FASN: variants seen among roughly 807,000 people sequenced by gnomAD.
FASN encodes fatty acid synthase.
FASN carries 50 observed loss-of-function variants against 250.0 expected under a neutral mutation model. The observed-to-expected ratio is 0.20, with a 90% CI of 0.16 to 0.25. FASN has a LOEUF of 0.25. FASN is among the 10% of genes least tolerant of loss of function. FASN has a pLI of 1.00. For synonymous variants in FASN, 1,909 were observed against 1,584.0 expected, an observed-to-expected ratio of 1.21 and a Z score of -4.87; for missense variants, 3,031 against 3,498.5, an observed-to-expected ratio of 0.87 and a Z score of 3.37.
rs1294023345 is a variant in FASN, at chr17:82,084,587, G to A, written c.4694C>T (p.Thr1565Met). 9.3e-6 allele frequency: 15 copies of A among 1,610,642 alleles called. No individual in the cohort carries two copies. Among genetic ancestry groups the A allele is most frequent in the East Asian group, 2.2e-5 (1 of 44,844 alleles). The change falls in exon 27 of 43, where the codon ACG (threonine) becomes ATG (methionine). Residue 1565 changes from threonine to methionine, a missense_variant. Thr to Met is a moderately conservative substitution (Grantham distance 81). Coordinates refer to ENST00000306749, the MANE Select transcript of FASN (RefSeq NM_004104.5). ...GAAGTTGAGGGAGGCGTAGTAGACC[G>A]TGCAGAGCTGGGCGCCAGGGCAGGT... ...QPTCPGAQLC[T>M]VYYASLNFRD...
At chr17:82,093,823 G>GCCCGCC in intron 3 of FASN, 52 bp from the exon 4 acceptor site, 1 of 1,549,752 alleles carries the variant, frequency 6.5e-7, no homozygotes, top group South Asian at 1.2e-5. Context: ...AGCGCAGCCA[G>GCCCGCC]CCCACCCACC....
chr17:82,096,623 G>A (rs1484412929), intron 1 of FASN, among the ~76,000 whole-genome samples, 171 bp from the exon 2 acceptor site: 3 of 152,216 alleles, frequency 2.0e-5, no homozygotes, highest in Non-Finnish European at 2.9e-5. Flanking sequence ...CCTGGGCCCT[G>A]ACCCCGCTCT....
intron 19 of FASN, 29 bp downstream of exon 19, chr17:82,087,656 G>T: frequency 1.9e-6 from 3 of 1,608,826 alleles, no homozygotes; most frequent in Non-Finnish European, 2.5e-6. Context: ...CTCCCCGGTG[G>T]CTTGGGCAGC....
intron 2 of FASN, 56 bp downstream of exon 2, chr17:82,096,263 C>T: frequency 6.2e-7 from 1 of 1,605,514 alleles, no homozygotes; most frequent in Non-Finnish European, 8.5e-7. Flanking sequence ...GCTGTGAGGA[C>T]AAAGGTGGAG....
chr17:82,085,273 C>G lies in FASN; in HGVS notation c.4252G>C (p.Asp1418His), dbSNP rs2144789760. 1 of 1,611,718 alleles carries G rather than the reference C, an allele frequency of 6.2e-7. No homozygotes were observed. Among genetic ancestry groups the G allele is most frequent in the Non-Finnish European group, 8.5e-7 (1 of 1,179,524 alleles). The change falls in exon 24 of 43, where the codon GAC (aspartate) becomes CAC (histidine). Residue 1418 changes from aspartate (D) to histidine (H), a missense_variant. By Grantham distance (81) the Asp-to-His change is moderately conservative. Coordinates refer to ENST00000306749, the MANE Select transcript of FASN (RefSeq NM_004104.5). Reference protein sequence around the residue: ...PQDSPIFLPVDDTSFRWVESL... With the variant: ...PQDSPIFLPVHDTSFRWVESL... The stretch of plus-strand genomic sequence containing the variant: ...TCCACCCAGCGGAAGCTGGTATCGT[C>G]CACCGGCAGGAAGATGGGGCTGTCC...
Position 82,085,752 on chromosome 17 carries a change from C to T in FASN, c.3852G>A (p.Gln1284=). Residue 1284 remains glutamine (Q), a synonymous_variant, in exon 23 of 43, where the codon CAG becomes CAA. Coordinates refer to ENST00000306749, the MANE Select transcript of FASN (RefSeq NM_004104.5). ...CAACGTCGTGCTGCTGCAGCTCGGC[C>T]TGGGCAGCCTCCAGGGCCTGGGGGT... ...DRHPQALEAA[Q]AELQQHDVAQ... The T allele has an allele frequency of 6.4e-7, 1 of 1,564,980 alleles. No individual in the cohort carries two copies. The highest frequency in any genetic ancestry group is 8.7e-7 in the Non-Finnish European group (1 of 1,155,412).
chr17:82,089,620 C>T lies in FASN; in HGVS notation c.1965+12G>A, dbSNP rs367574087. On this transcript the variant is annotated intron_variant, in intron 12 of 42. Transcript: ENST00000306749. ...AGGGGACAGAGGAGCCCGCCCAGGC[C>T]GCAGCACCCACCTGAGGTCCCGAGA... 4.4e-6 allele frequency: 7 copies of T among 1,588,646 alleles called. No individual in the cohort carries two copies. Among genetic ancestry groups the T allele is most frequent in the Non-Finnish European group, 6.0e-6 (7 of 1,168,232 alleles).
Position 82,088,470 on chromosome 17 carries a change from T to C in FASN, c.2513A>G (p.His838Arg). The C allele has an allele frequency of 6.2e-7, 1 of 1,611,320 alleles. No homozygotes were observed. The highest frequency in any genetic ancestry group is 1.7e-5 in the Admixed American group (1 of 59,976). ...GGCCGGCACGTCCCAGGCCAGGCTG[T>C]GGTCCCACTTGATGAGTGGGGAGAT... ...PLISPLIKWD[H>R]SLAWDVPAAE... Residue 838 changes from histidine to arginine, a missense_variant, in exon 16 of 43, where the codon CAC becomes CGC. Coordinates refer to ENST00000306749, the MANE Select transcript of FASN (RefSeq NM_004104.5).
In FASN at chr17:82,089,241, T is replaced by G. The variant is rs201914351; in HGVS notation, c.2100+9A>C. Reference sequence around the variant, plus strand: ...CCCGCCCCGCACCCCCCAGGCCGTATTAGTCCACCTTCTTGAGCTCCTGCA... The same window carrying G: ...CCCGCCCCGCACCCCCCAGGCCGTAGTAGTCCACCTTCTTGAGCTCCTGCA... On this transcript the variant is annotated intron_variant, in intron 13 of 42. Transcript: ENST00000306749. 6.2e-7 allele frequency: 1 copy of G among 1,612,306 alleles called. No individual in the cohort carries two copies. Among genetic ancestry groups the G allele is most frequent in the Admixed American group, 1.7e-5 (1 of 59,986 alleles).
In FASN at chr17:82,093,243, T is replaced by C. The variant is rs778702416; in HGVS notation, c.631A>G (p.Thr211Ala). 2 of 1,588,254 alleles carry C rather than the reference T, an allele frequency of 1.3e-6. No individual in the cohort carries two copies. Among genetic ancestry groups the C allele is most frequent in the South Asian group, 2.3e-5 (2 of 87,454 alleles). The change falls in exon 5 of 43, where the codon ACC (threonine) becomes GCC (alanine). Residue 211 changes from threonine (T) to alanine (A), a missense_variant. By Grantham distance (58) the Thr-to-Ala change is moderately conservative. Transcript: ENST00000306749. ...LRLGMLSPEG[T>A]CKAFDTAGNG... Reference sequence around the variant, plus strand: ...CCCGCTGTGTCGAAGGCCTTGCAGGTGCCCTCGGGGCTGAGCATCCCCAGC... The same window carrying C: ...CCCGCTGTGTCGAAGGCCTTGCAGGCGCCCTCGGGGCTGAGCATCCCCAGC...
At chr17:82,087,554 C>A (rs1333427575) in intron 19 of FASN, 50 bp from the exon 20 acceptor site, 2 of 1,606,946 alleles carry the variant, frequency 1.2e-6, no homozygotes, top group Admixed American at 3.3e-5. Context: ...TCCCTGGGGC[C>A]ACCTCCCAGA....
chr17:82,093,811 A>G, intron 3 of FASN, 40 bp from the exon 4 acceptor site: 1 of 1,603,376 alleles, frequency 6.2e-7, no homozygotes, highest in Non-Finnish European at 8.5e-7. Context: ...GCCGGGCCCC[A>G]CAGCGCAGCC....
rs141294544 is a variant in FASN, at chr17:82,082,022, G to C, written c.6150C>G (p.His2050Gln). ...AMERICEKRRHEGLPGLAVQW... is the reference protein window; with the variant it reads ...AMERICEKRRQEGLPGLAVQW... ...GGTGGGGCCCACCTGGGAGGCCTTCGTGCCGGCGTTTCTCACAGATACGCT... is the reference window on the plus strand; with the variant it reads ...GGTGGGGCCCACCTGGGAGGCCTTCCTGCCGGCGTTTCTCACAGATACGCT... Residue 2050 changes from histidine to glutamine, a missense_variant, in exon 36 of 43, where the codon CAC (histidine) becomes CAG (glutamine). Transcript: ENST00000306749. The C allele has an allele frequency of 1.2e-6, 2 of 1,608,902 alleles. No homozygotes were observed. The highest frequency in any genetic ancestry group is 1.7e-6 in the Non-Finnish European group (2 of 1,179,938).
chr17:82,091,403 C>A lies in FASN; in HGVS notation c.1311G>T (p.Leu437=). Residue 437 remains leucine (L), a synonymous_variant, in exon 9 of 43, where the codon CTG becomes CTT. Transcript: ENST00000306749. ...SGRTPEAVQK[L]LEQGLRHSQD... is the part of the protein sequence containing the mutation. ...GGCTGTGCCGGAGGCCCTGCTCCAG[C>A]AGCTTCTGCACGGCCTCAGGGGTGC... 1 of 1,610,468 alleles carries A rather than the reference C, an allele frequency of 6.2e-7. No individual in the cohort carries two copies. The highest frequency in any genetic ancestry group is 8.5e-7 in the Non-Finnish European group (1 of 1,179,084).
rs1323615053 is a variant in FASN at position 82,083,021 on chromosome 17, T to C, written c.5660A>G (p.Tyr1887Cys). The change falls in exon 33 of 43, where the codon TAC becomes TGC. Residue 1887 changes from tyrosine (Y) to cysteine (C), a missense_variant. Transcript: ENST00000306749. ...GCCACCCAGACCACCAGCGATGATGTAGCTCTTGTGGGCCGGGCAGAAGGT... is the reference window on the plus strand; with the variant it reads ...GCCACCCAGACCACCAGCGATGATGCAGCTCTTGTGGGCCGGGCAGAAGGT... ...SKTFCPAHKS[Y>C]IIAGGLGGFG... 3 of 1,612,912 alleles carry C rather than the reference T, an allele frequency of 1.9e-6. No individual in the cohort carries two copies. The highest frequency in any genetic ancestry group is 2.5e-6 in the Non-Finnish European group (3 of 1,179,982).
At chr17:82,081,066 C>T (rs555317198) in intron 38 of FASN, 98 bp downstream of exon 38, 75 of 1,460,972 alleles carry the variant, frequency 5.1e-5, no homozygotes, top group Middle Eastern at 4.6e-4. Flanking sequence ...GCACCCGTGA[C>T]GAAGGGCGGT....
intron 34 of FASN, 48 bp from the exon 35 acceptor site, chr17:82,082,462 G>C (rs567072354): frequency 6.2e-7 from 1 of 1,611,008 alleles, no homozygotes; most frequent in Non-Finnish European, 8.5e-7. Context: ...GGCCTCACCC[G>C]TCCACCCAGG....
intron 11 of FASN, 66 bp from the exon 12 acceptor site, chr17:82,089,792 C>T: frequency 3.0e-6 from 4 of 1,340,240 alleles, no homozygotes; most frequent in Non-Finnish European, 4.2e-6. Context: ...CCCACCCACC[C>T]AGACACTGCC....
Position 82,084,664 on chromosome 17 carries a change from C to T in FASN, c.4617G>A (p.Gly1539=), listed in dbSNP as rs143566258. The T allele has an allele frequency of 6.3e-6, 10 of 1,588,948 alleles. No individual in the cohort carries two copies. Among genetic ancestry groups the T allele is most frequent in the Non-Finnish European group, 8.6e-6 (10 of 1,168,530 alleles). Residue 1539 remains glycine (G), a synonymous_variant, in exon 27 of 43, where the codon GGG becomes GGA. Transcript: ENST00000306749. ...AGACCCAGCGGATGGAGGACAGGTC[C>T]CCCCGGGTGAGGGTGCTCACAAAGG... ...AHAFVSTLTR[G]DLSSIRWVCS... is the part of the protein sequence containing the mutation.
Sources: allele counts gnomAD v4.1 joint callset (sites outside exome capture counted in the v4.1 genomes callset), GRCh38; gene constraint gnomAD v4.1.1; transcripts MANE v1.5; gene names NCBI Gene and HGNC (gene_info 2026-07-23, HGNC 2026-07-21).